The following POLB variants were observed in gnomAD, a reference collection of about 807,000 sequenced individuals.
POLB encodes the protein 5'-dRP lyase.
Under a neutral mutation model 52.7 loss-of-function variants are expected in POLB, and 37 were observed. That is an observed-to-expected ratio of 0.70 (90% CI 0.54 to 0.92). The LOEUF (loss-of-function observed/expected upper bound fraction) is 0.92, where lower values mean the gene tolerates loss of function less well. Among genes scored for constraint, POLB ranks in the 40% least tolerant of loss-of-function variants. The pLI, the probability that POLB is intolerant of heterozygous loss-of-function variation, is 0.00. For synonymous variants in POLB, 138 were observed against 131.3 expected, an observed-to-expected ratio of 1.05 and a Z score of -0.35; for missense variants, 313 against 400.8, an observed-to-expected ratio of 0.78 and a Z score of 1.87.
At chr8:42,366,654 T>G (rs758910122) in intron 11 of POLB, among the ~76,000 whole-genome samples, 1 of 152,144 alleles carries the variant, frequency 6.6e-6, no homozygotes, top group Non-Finnish European at 1.5e-5. Context: ...TAAGAGGTGG[T>G]TTGTATCTTT....
rs752608576 is a variant in POLB, at chr8:42,350,024, G to A, written c.279G>A (p.Thr93=). The change falls in exon 5 of 14, where the codon ACG becomes ACA. Residue 93 remains threonine (T), a synonymous_variant. Transcript: ENST00000265421. ...RKLEKIRQDD[T]SSSINFLTRV... ...TCTTAAAGATTCGGCAGGATGATAC[G>A]AGTTCATCCATCAATTTCCTGACTC... The A allele has an allele frequency of 3.1e-6, 5 of 1,605,460 alleles. No individual in the cohort carries two copies. The East Asian group carries it at 6.7e-5, about 21-fold the overall frequency.
chr8:42,360,477 A>G (rs1823607246), intron 9 of POLB, among the ~76,000 whole-genome samples: 2 of 152,130 alleles, frequency 1.3e-5, no homozygotes, highest in African/African-American at 4.8e-5. Context: ...GCTTTTACAT[A>G]TGTTCTTATT....
chr8:42,350,005 A>G lies in POLB; in HGVS notation c.262-2A>G, dbSNP rs1326204442. 4 of 1,600,698 alleles carry G rather than the reference A, an allele frequency of 2.5e-6. No homozygotes were observed. Among genetic ancestry groups the G allele is most frequent in the Non-Finnish European group, 3.4e-6 (4 of 1,168,250 alleles). On this transcript the variant is annotated splice_acceptor_variant, in intron 4 of 13. Transcript: ENST00000265421. LOFTEE classifies it high-confidence loss of function. ...ATTGTTAGACTTTTTTTTTTCTTAA[A>G]GATTCGGCAGGATGATACGAGTTCA...
At position 42,363,310 on chromosome 8, in the gene POLB, C is replaced by T. The variant is rs915178515; in HGVS notation, c.708+612C>T. Among the ~76,000 whole-genome samples the T allele has an allele frequency of 7.3e-5, 11 of 151,670 alleles. 1 individual carries two copies. The highest frequency in any genetic ancestry group is 1.2e-4 in the Non-Finnish European group (8 of 67,894). The stretch of plus-strand genomic sequence containing the variant: ...TTGGGAGGCCGAGGTCAGCGGATTA[C>T]AAGGTCAGGTGATCAAGACCATCCT... On this transcript the variant is annotated intron_variant, in intron 11 of 13. Transcript: ENST00000265421.
At chr8:42,362,193 A>G (rs535798750) in intron 10 of POLB, among the ~76,000 whole-genome samples, 19 of 152,080 alleles carry the variant, frequency 1.2e-4, no homozygotes, top group African/African-American at 4.3e-4. Flanking sequence ...CCAGGAGGCA[A>G]AGGTTGCAGT....
intron 10 of POLB, among the ~76,000 whole-genome samples, chr8:42,362,357 C>T (rs539625779): frequency 5.3e-5 from 8 of 150,538 alleles, no homozygotes; most frequent in East Asian, 1.9e-4. Flanking sequence ...TTCCCGGGCT[C>T]GATTCCCTGC....
At chr8:42,357,086 A>G in intron 7 of POLB, 83 bp from the exon 8 acceptor site, 1 of 760,972 alleles carries the variant, frequency 1.3e-6, no homozygotes, top group Non-Finnish European at 2.3e-6. Flanking sequence ...TATGGCACGG[A>G]CAATTGTTAT....
intron 3 of POLB, 29 bp from the exon 4 acceptor site, chr8:42,348,987 G>T (rs772506413): frequency 1.5e-6 from 2 of 1,309,758 alleles, no homozygotes; most frequent in South Asian, 2.5e-5. Context: ...ATATTCATAT[G>T]ACTTTTATAT....
At chr8:42,341,847 A>G in intron 2 of POLB, 4 of 576,894 alleles carry the variant, frequency 6.9e-6, no homozygotes, top group South Asian at 6.3e-5. Context: ...TGAGCAAGGG[A>G]CATTTTGGGA....
intron 6 of POLB, 52 bp from the exon 7 acceptor site, chr8:42,355,464 C>T (rs1379003705): frequency 7.1e-6 from 7 of 992,440 alleles, no homozygotes; most frequent in South Asian, 5.7e-5. Context: ...TAGCATTTTC[C>T]CCCCAAAAAG....
intron 11 of POLB, among the ~76,000 whole-genome samples, chr8:42,364,222 C>T (rs1823903919): frequency 6.6e-6 from 1 of 151,894 alleles, no homozygotes. Flanking sequence ...CCACCGTGCC[C>T]AGCCTAGAAT....
intron 6 of POLB, among the ~76,000 whole-genome samples, chr8:42,354,694 C>T (rs1039987374): frequency 2.0e-5 from 3 of 152,076 alleles, no homozygotes; most frequent in Non-Finnish European, 4.4e-5. Context: ...CAGGCGCGCA[C>T]CACCATGCCT....
chr8:42,342,337 C>T (rs1822254413), intron 2 of POLB: 1 of 1,511,806 alleles, frequency 6.6e-7, no homozygotes, highest in Non-Finnish European at 9.1e-7. Context: ...CAGGCCAGTA[C>T]AATATGTTGC....
At chr8:42,364,974 T>C (rs560119096) in intron 11 of POLB, among the ~76,000 whole-genome samples, 2 of 151,920 alleles carry the variant, frequency 1.3e-5, no homozygotes, top group Non-Finnish European at 2.9e-5. Context: ...ATAATCCCAG[T>C]GACTTGGGAG....
At chr8:42,370,241 T>C in intron 13 of POLB, 2 of 544,460 alleles carry the variant, frequency 3.7e-6, no homozygotes, top group Admixed American at 2.6e-5. Flanking sequence ...CAGTAAAATA[T>C]CTTATTCATC....
At chr8:42,364,462 C>G (rs981561301) in intron 11 of POLB, among the ~76,000 whole-genome samples, 1 of 152,148 alleles carries the variant, frequency 6.6e-6, no homozygotes, top group African/African-American at 2.4e-5. Flanking sequence ...CTCCTCAGCT[C>G]AAGTGATCCA....
rs773737449 is a variant in POLB at position 42,349,944 on chromosome 8, A to G, written c.262-63A>G. On this transcript the variant is annotated intron_variant, in intron 4 of 13. Coordinates refer to ENST00000265421, the MANE Select transcript of POLB (RefSeq NM_002690.3). ...CTTTTAGCAGACTGGTATGTTTCCA[A>G]TAAGATCATTTAAGTCCTCAAAGCA... 8.2e-5 allele frequency: 92 copies of G among 1,116,408 alleles called. No homozygotes were observed. The Admixed American group carries it at 9.5e-4, about 12-fold the overall frequency. 69.2% of individuals were successfully genotyped at this position (1,116,408 alleles called of 1,614,324 possible). A position where few individuals can be genotyped will look rare whatever the true frequency, so the allele number is the denominator to read the frequency against.
intron 5 of POLB, among the ~76,000 whole-genome samples, chr8:42,350,682 G>A (rs1051593693): frequency 1.3e-5 from 2 of 151,998 alleles, no homozygotes; most frequent in Admixed American, 6.6e-5. Flanking sequence ...AAATATTAAG[G>A]CTTTAGTGCT....
chr8:42,355,681 T>C, intron 7 of POLB, 114 bp downstream of exon 7: 1 of 639,806 alleles, frequency 1.6e-6, no homozygotes, highest in South Asian at 1.8e-5. Context: ...ACCATTTTCC[T>C]ATTCAGAAGT....
Sources: gnomAD v4.1 joint callset for allele counts (sites outside exome capture counted in the v4.1 genomes callset) on GRCh38, gnomAD v4.1.1 for gene constraint, MANE v1.5 for transcripts, NCBI Gene and HGNC (gene_info 2026-07-23, HGNC 2026-07-21) for gene names.